Variants in SCN9A observed in about 807,000 individuals in gnomAD.
SCN9A encodes sodium voltage-gated channel alpha subunit 9, also known as sodium channel protein type 9 subunit alpha.
A neutral mutation model predicts 187.0 loss-of-function variants in SCN9A; 131 were observed. That is an observed-to-expected ratio of 0.70 (90% CI 0.61 to 0.81). The LOEUF (loss-of-function observed/expected upper bound fraction) is 0.81. SCN9A is among the 30% of genes least tolerant of loss of function. The probability of loss-of-function intolerance (pLI) is 0.00; values close to 1 mark genes in which losing one functional copy is unlikely to be tolerated. For synonymous variants in SCN9A, 809 were observed against 808.6 expected, an observed-to-expected ratio of 1.00 and a Z score of -0.01; for missense variants, 2,252 against 2,396.6, an observed-to-expected ratio of 0.94 and a Z score of 1.26.
chr2:166,355,546 AT>A (rs1021334334), intron 1 of SCN9A, among the ~76,000 whole-genome samples: 1 of 151,344 alleles, frequency 6.6e-6, no homozygotes, highest in Non-Finnish European at 1.5e-5. Context: ...CGCTAAGGAT[AT>A]TGATACCTTT....
Position 166,265,462 on chromosome 2 carries a change from G to A in SCN9A, c.3351+6937C>T, listed in dbSNP as rs182586705. On this transcript the variant is annotated intron_variant, in intron 17 of 26. Transcript: ENST00000642356. ...GCATTTATTTATTTACGATCATTTA[G>A]GTTAATATGATAACTTGGCTATTGT... 5.3e-5 allele frequency among the ~76,000 whole-genome samples: 8 copies of A among 151,936 alleles called. No individual in the cohort carries two copies. In the East Asian group the frequency reaches 1.6e-3, roughly 30 times the overall value.
intron 7 of SCN9A, 128 bp from the exon 8 acceptor site, chr2:166,294,790 C>A (rs1698228424): frequency 2.0e-6 from 1 of 510,668 alleles, no homozygotes; most frequent in East Asian, 3.2e-5. Context: ...AATATGCATC[C>A]ATTTATTTAC....
intron 24 of SCN9A, among the ~76,000 whole-genome samples, chr2:166,211,527 TC>T (rs57217917): frequency 0.74 from 112,367 of 151,436 alleles, 41,984 homozygotes; most frequent in East Asian, 0.8. Context: ...ATTATATAAA[TC>T]ATTTATAATT....
intron 21 of SCN9A, among the ~76,000 whole-genome samples, chr2:166,232,715 T>A (rs1029852564): frequency 7.0e-6 from 1 of 142,850 alleles, no homozygotes; most frequent in African/African-American, 2.6e-5. Flanking sequence ...TTAAACAATA[T>A]GCACTGAAAT....
intron 7 of SCN9A, 106 bp from the exon 8 acceptor site, chr2:166,294,768 C>G (rs764218991): frequency 2.1e-4 from 143 of 665,282 alleles, no homozygotes; most frequent in Non-Finnish European, 2.9e-4. Flanking sequence ...AAATTCAGGC[C>G]TGGTCCCAGG....
intron 1 of SCN9A, among the ~76,000 whole-genome samples, chr2:166,365,744 A>G (rs944731097): frequency 1.3e-5 from 2 of 152,166 alleles, no homozygotes; most frequent in African/African-American, 4.8e-5. Context: ...ACCACTTTAA[A>G]TAATACCTCC....
At position 166,293,264 on chromosome 2, in the gene SCN9A, C is replaced by A; in HGVS notation, c.1074G>T (p.Met358Ile). Residue 358 changes from methionine (M) to isoleucine (I), a missense_variant, in exon 9 of 27, where the codon ATG (methionine) becomes ATT (isoleucine). Around this residue, in one of 7 missense-constraint regions of SCN9A, gnomAD observed 1,013 missense variants for 997.4 expected, o/e 1.02. Coordinates refer to ENST00000642356, the MANE Select transcript of SCN9A (RefSeq NM_001365536.1). Reference protein sequence around the residue: ...SWAFLALFRLMTQDYWENLYQ... With the variant: ...SWAFLALFRLITQDYWENLYQ... ...AAAGGTTTTCCCAGTAATCTTGGGT[C>A]ATTAGCCTAAACAAGGCTAAGAAGG... 1 of 1,591,340 alleles carries A rather than the reference C, an allele frequency of 6.3e-7. No homozygotes were observed. The highest frequency in any genetic ancestry group is 8.6e-7 in the Non-Finnish European group (1 of 1,167,450).
intron 26 of SCN9A, among the ~76,000 whole-genome samples, chr2:166,200,154 C>T (rs570164397): frequency 3.4e-5 from 5 of 148,384 alleles, no homozygotes; most frequent in Admixed American, 1.3e-4. Flanking sequence ...CCCGCTACCA[C>T]GCCCGGCTAA....
intron 24 of SCN9A, among the ~76,000 whole-genome samples, chr2:166,206,449 G>C (rs1358750753): frequency 6.6e-6 from 1 of 152,150 alleles, no homozygotes; most frequent in African/African-American, 2.4e-5. Flanking sequence ...TCACTCATAA[G>C]TGGGAGTTGA....
intron 19 of SCN9A, among the ~76,000 whole-genome samples, chr2:166,242,072 C>T (rs762770976): frequency 2.8e-4 from 42 of 152,246 alleles, no homozygotes; most frequent in South Asian, 1.2e-3. Context: ...TGTTGCTCGC[C>T]AGTTGGAGCT....
At chr2:166,285,627 G>A (rs1489077515) in intron 11 of SCN9A, among the ~76,000 whole-genome samples, 1 of 152,138 alleles carries the variant, frequency 6.6e-6, no homozygotes, top group Non-Finnish European at 1.5e-5. Context: ...TTTTTACTGT[G>A]TATATCAGGA....
At chr2:166,358,401 G>A (rs80126387) in intron 1 of SCN9A, among the ~76,000 whole-genome samples, 4,266 of 151,964 alleles carry the variant, frequency 0.028, 182 homozygotes, top group African/African-American at 0.097. Flanking sequence ...ATTTTAGTTT[G>A]CATTTTCTTT....
At chr2:166,368,684 A>AT (rs1230355074) in intron 1 of SCN9A, among the ~76,000 whole-genome samples, 266 of 83,812 alleles carry the variant, frequency 3.2e-3, no homozygotes, top group African/African-American at 0.013. Flanking sequence ...TTGAAACTTA[A>AT]TTAAAAAAAA....
intron 7 of SCN9A, 48 bp downstream of exon 7, chr2:166,303,042 G>A (rs372339994): frequency 6.1e-6 from 8 of 1,311,540 alleles, no homozygotes; most frequent in South Asian, 1.3e-5. Context: ...AGAGAGCAAT[G>A]TTTTTAGCAT....
At position 166,204,099 on chromosome 2, in the gene SCN9A, T is replaced by C. The variant is rs1228583442; in HGVS notation, c.4630A>G (p.Thr1544Ala). 8 of 1,612,738 alleles carry C rather than the reference T, an allele frequency of 5.0e-6. No individual in the cohort carries two copies. The African/African-American group carries it at 1.1e-4, about 22-fold the overall frequency. ...ACATTTATCCAATATAAAACTTCAG[T>C]CATATGTTGACTTTGACCCTCCTTT... ...VEKEGQSQHM[T>A]EVLYWINVVF... Residue 1544 changes from threonine to alanine, a missense_variant, in exon 26 of 27, where the codon ACT (threonine) becomes GCT (alanine). Physicochemically the swap from Thr to Ala is moderately conservative, Grantham distance 58 (BLOSUM62 0). Transcript: ENST00000642356.
chr2:166,349,429 T>C (rs1699980374), intron 1 of SCN9A, among the ~76,000 whole-genome samples: 1 of 152,252 alleles, frequency 6.6e-6, no homozygotes, highest in Non-Finnish European at 1.5e-5. Flanking sequence ...GTATTTGTTA[T>C]CATTTTCTAA....
intron 1 of SCN9A, among the ~76,000 whole-genome samples, chr2:166,336,820 A>C (rs1004975754): frequency 8.5e-5 from 13 of 152,124 alleles, no homozygotes; most frequent in Non-Finnish European, 1.8e-4. Flanking sequence ...CTTTTATAGT[A>C]CACTTAATAA....
At position 166,267,815 on chromosome 2, in the gene SCN9A, A is replaced by G. The variant is rs144878249; in HGVS notation, c.3351+4584T>C. 1.8e-4 allele frequency among the ~76,000 whole-genome samples: 28 copies of G among 152,008 alleles called. No homozygotes were observed. In the East Asian group the frequency reaches 5.2e-3, roughly 28 times the overall value. On this transcript the variant is annotated intron_variant, in intron 17 of 26. Coordinates refer to ENST00000642356, the MANE Select transcript of SCN9A (RefSeq NM_001365536.1). ...GTTGTATGTGTTGAGTAATTTATCA[A>G]TTTCCATTAGGTTTTCCAATTTGTT... is the stretch of plus-strand genomic sequence containing the variant.
At chr2:166,218,656 T>G (rs1228036663) in intron 24 of SCN9A, among the ~76,000 whole-genome samples, 3 of 152,072 alleles carry the variant, frequency 2.0e-5, no homozygotes, top group Non-Finnish European at 4.4e-5. Flanking sequence ...GACATAGGCA[T>G]GGGCAAAGAT....
Sources: allele counts gnomAD v4.1 joint callset (sites outside exome capture counted in the v4.1 genomes callset), GRCh38; gene constraint gnomAD v4.1.1; regional missense constraint gnomAD v4.1.1; transcripts MANE v1.5; gene names NCBI Gene and HGNC (gene_info 2026-07-23, HGNC 2026-07-21).